The following FN1 variants were observed in gnomAD, a reference collection of about 807,000 sequenced individuals.
The protein encoded by FN1 is fibronectin 1, also known as fibronectin.
In FN1, 106 loss-of-function variants were observed where a neutral mutation model predicts 297.3. The ratio of observed to expected loss-of-function variants is 0.36; its 90% CI spans 0.30 to 0.42. The LOEUF is 0.42. FN1 is among the 10% of genes least tolerant of loss of function. FN1 has a pLI of 1.00. For missense variants in FN1, 2,690 were observed against 3,124.9 expected (o/e 0.86, Z 3.32); for synonymous variants, 1,149 against 1,152.6 (o/e 1.00, Z 0.06).
intron 13 of FN1, among the ~76,000 whole-genome samples, chr2:215,411,833 A>AT (rs1262922078): frequency 6.6e-6 from 1 of 151,632 alleles, no homozygotes; most frequent in East Asian, 1.9e-4. Context: ...TGCCCAGCTA[A>AT]TTTTTTTGTA....
At chr2:215,365,264 C>T (rs957178362) in intron 43 of FN1, among the ~76,000 whole-genome samples, 3 of 152,180 alleles carry the variant, frequency 2.0e-5, no homozygotes, top group South Asian at 2.1e-4. Flanking sequence ...TAGCATTTTA[C>T]TGCAGATAAT....
Position 215,423,344 on chromosome 2 carries a change from T to C in FN1, c.1393+6A>G, listed in dbSNP as rs1434155903. On this transcript the variant is annotated splice_donor_region_variant and intron_variant, in intron 9 of 45. Coordinates refer to ENST00000354785, the MANE Select transcript of FN1 (RefSeq NM_212482.4). Reference sequence around the variant, plus strand: ...AACAAGACAACCCACAAGGGCTTCATCTTACCAGCCATGGGGCAGAACCCA... The same window carrying C: ...AACAAGACAACCCACAAGGGCTTCACCTTACCAGCCATGGGGCAGAACCCA... 1 of 1,613,764 alleles carries C rather than the reference T, an allele frequency of 6.2e-7. No individual in the cohort carries two copies. Among genetic ancestry groups the C allele is most frequent in the Admixed American group, 1.7e-5 (1 of 60,018 alleles).
intron 19 of FN1, among the ~76,000 whole-genome samples, chr2:215,405,170 C>A (rs771983807): frequency 5.3e-5 from 8 of 152,298 alleles, no homozygotes; most frequent in Admixed American, 3.3e-4. Flanking sequence ...GATAACGTAT[C>A]CTCAGATTCA....
Position 215,362,053 on chromosome 2 carries a change from T to TCTGCGGCAGTTGTCACAGCGCCAGCC in FN1, c.7252_7277dup (p.Pro2427AlafsTer49). ...CTTCGGGACTGGGTTCACCCCCAGGTCTGCGGCAGTTGTCACAGCGCCAGC... is the reference window on the plus strand; with the variant it reads ...CTTCGGGACTGGGTTCACCCCCAGGTCTGCGGCAGTTGTCACAGCGCCAGCCCTGCGGCAGTTGTCACAGCGCCAGC... On this transcript the variant is annotated frameshift_variant, in exon 45 of 46. Transcript: ENST00000354785. LOFTEE classifies it high-confidence loss of function. The TCTGCGGCAGTTGTCACAGCGCCAGCC allele has an allele frequency of 3.5e-5, 56 of 1,614,010 alleles. No homozygotes were observed. Among genetic ancestry groups the TCTGCGGCAGTTGTCACAGCGCCAGCC allele is most frequent in the Non-Finnish European group, 4.7e-5 (56 of 1,180,018 alleles).
At chr2:215,420,988 A>T (rs1431676551) in intron 10 of FN1, 187 bp from the exon 11 acceptor site, 2 of 618,708 alleles carry the variant, frequency 3.2e-6, no homozygotes, top group African/African-American at 3.7e-5. Context: ...ATTTTTGCCA[A>T]AAAAATTTTT....
chr2:215,415,146 G>A (rs868392633), intron 12 of FN1, among the ~76,000 whole-genome samples, 188 bp from the exon 13 acceptor site: 3 of 151,964 alleles, frequency 2.0e-5, no homozygotes, highest in Admixed American at 6.6e-5. Context: ...ATTTTTAGCC[G>A]ATAATTATTA....
chr2:215,408,662 G>A (rs994086932), intron 15 of FN1, among the ~76,000 whole-genome samples: 7 of 152,216 alleles, frequency 4.6e-5, no homozygotes, highest in East Asian at 1.9e-4. Flanking sequence ...CTACCTTTCC[G>A]GTTCAAGCAA....
At chr2:215,409,851 A>C in intron 14 of FN1, 83 bp downstream of exon 14, 1 of 1,594,068 alleles carries the variant, frequency 6.3e-7, no homozygotes, top group Non-Finnish European at 8.6e-7. Context: ...AAGAATATGA[A>C]TTGAGAAGGA....
chr2:215,402,013 A>G (rs6744921), intron 20 of FN1, among the ~76,000 whole-genome samples: 55,238 of 151,834 alleles, frequency 0.36, 10,481 homozygotes, highest in South Asian at 0.49. Flanking sequence ...ACACCACTTG[A>G]CTGCTGGTGA....
At chr2:215,369,433 C>T (rs2055367964) in intron 41 of FN1, among the ~76,000 whole-genome samples, 1 of 152,180 alleles carries the variant, frequency 6.6e-6, no homozygotes, top group African/African-American at 2.4e-5. Flanking sequence ...TAAAGTAGCA[C>T]AGTCTTCTAT....
Position 215,409,007 on chromosome 2 carries a change from A to T in FN1, c.2299+556T>A, listed in dbSNP as rs2062181631. 3.3e-5 allele frequency among the ~76,000 whole-genome samples: 5 copies of T among 152,248 alleles called. No homozygotes were observed. In the South Asian group the frequency reaches 1.0e-3, roughly 32 times the overall value. On this transcript the variant is annotated intron_variant, in intron 15 of 45. Coordinates refer to ENST00000354785, the MANE Select transcript of FN1 (RefSeq NM_212482.4). ...TTTTGTAATCGAATGCCAAATTTTT[A>T]AAAATAGCTCTCTGCAGTAAGAGTC... is the stretch of plus-strand genomic sequence containing the variant.
At chr2:215,388,596 C>G (rs562223573) in intron 26 of FN1, among the ~76,000 whole-genome samples, 1 of 152,306 alleles carries the variant, frequency 6.6e-6, no homozygotes, top group African/African-American at 2.4e-5. Context: ...CTGGATATTT[C>G]TCGCATCCAC....
At chr2:215,399,807 A>G (rs2060778935) in intron 20 of FN1, among the ~76,000 whole-genome samples, 1 of 152,208 alleles carries the variant, frequency 6.6e-6, no homozygotes, top group Non-Finnish European at 1.5e-5. Flanking sequence ...ATAAAATGTA[A>G]AACTGGCCAC....
At chr2:215,380,536 G>A (rs1337441877) in intron 33 of FN1, 8 of 487,344 alleles carry the variant, frequency 1.6e-5, no homozygotes, top group East Asian at 1.1e-4. Flanking sequence ...CAGAGCTTAG[G>A]AAATAATCCA....
chr2:215,383,898 C>T (rs1038619469), intron 30 of FN1, 122 bp downstream of exon 30: 8 of 1,060,198 alleles, frequency 7.5e-6, no homozygotes, highest in Admixed American at 2.0e-5. Flanking sequence ...GTGCTAGCTG[C>T]AGGTTGTTGC....
Position 215,384,200 on chromosome 2 carries a change from T to C in FN1, c.4730-16A>G. 3.7e-6 allele frequency: 6 copies of C among 1,613,940 alleles called. No individual in the cohort carries two copies. The highest frequency in any genetic ancestry group is 5.1e-6 in the Non-Finnish European group (6 of 1,179,852). ...CTATTTCCTCCTGTATGAAAAAGGGTTAGTTCAGAGTGTGAGGGGTTTAGA... is the reference window on the plus strand; with the variant it reads ...CTATTTCCTCCTGTATGAAAAAGGGCTAGTTCAGAGTGTGAGGGGTTTAGA... On this transcript the variant is annotated splice_polypyrimidine_tract_variant and intron_variant, in intron 29 of 45. Transcript: ENST00000354785.
At chr2:215,365,724 G>A (rs1198821764) in intron 42 of FN1, 94 bp from the exon 43 acceptor site, 1 of 1,181,134 alleles carries the variant, frequency 8.5e-7, no homozygotes, top group African/African-American at 1.5e-5. Context: ...AGGGTCTTCA[G>A]AACCATGATC....
intron 26 of FN1, among the ~76,000 whole-genome samples, chr2:215,389,824 T>G (rs1297363239): frequency 6.6e-6 from 1 of 151,540 alleles, no homozygotes; most frequent in Non-Finnish European, 1.5e-5. Flanking sequence ...ACAAAAAACC[T>G]AGATGGTAGA....
intron 28 of FN1, 124 bp downstream of exon 28, chr2:215,386,565 T>G: frequency 5.5e-6 from 4 of 724,686 alleles, no homozygotes; most frequent in Non-Finnish European, 6.6e-6. Context: ...ATGACAATGA[T>G]CTATTTTTTT....
Sources: allele counts gnomAD v4.1 joint callset (sites outside exome capture counted in the v4.1 genomes callset), GRCh38; gene constraint gnomAD v4.1.1; transcripts MANE v1.5; gene names NCBI Gene and HGNC (gene_info 2026-07-23, HGNC 2026-07-21).